Variants in KIAA0825 observed in about 807,000 individuals in gnomAD.
KIAA0825 encodes KIAA0825, also known as uncharacterized protein KIAA0825.
In KIAA0825, 119 loss-of-function variants were observed where a neutral mutation model predicts 147.6. That is an observed-to-expected ratio of 0.81 (90% confidence interval 0.69 to 0.94). KIAA0825 has a LOEUF of 0.94. Ranked by LOEUF, KIAA0825 falls within the 40% of genes least tolerant of loss-of-function variation. KIAA0825 has a pLI of 0.00. For synonymous variants in KIAA0825, 470 were observed against 518.1 expected (o/e 0.91, Z 1.26); for missense variants, 1,381 against 1,472.7 (o/e 0.94, Z 1.02).
At chr5:94,505,470 T>A (rs1765638066) in intron 5 of KIAA0825, among the ~76,000 whole-genome samples, 2 of 152,090 alleles carry the variant, frequency 1.3e-5, no homozygotes, top group Non-Finnish European at 2.9e-5. Flanking sequence ...ATCAAAGTTA[T>A]GGCATAACTA....
At chr5:94,242,854 C>T (rs1775421206) in intron 20 of KIAA0825, among the ~76,000 whole-genome samples, 1 of 152,132 alleles carries the variant, frequency 6.6e-6, no homozygotes, top group Admixed American at 6.6e-5. Context: ...CTCCTGACCT[C>T]AAGTGATTCA....
intron 13 of KIAA0825, among the ~76,000 whole-genome samples, chr5:94,440,409 G>A (rs770384616): frequency 6.6e-6 from 1 of 152,120 alleles, no homozygotes; most frequent in Non-Finnish European, 1.5e-5. Context: ...TTCACGGAGA[G>A]AAGAAAAATT....
intron 5 of KIAA0825, among the ~76,000 whole-genome samples, chr5:94,501,898 T>G (rs187642748): frequency 2.6e-5 from 4 of 152,280 alleles, no homozygotes; most frequent in Admixed American, 2.6e-4. Flanking sequence ...TGTGAGATGG[T>G]TAATTAAATG....
intron 17 of KIAA0825, among the ~76,000 whole-genome samples, chr5:94,392,492 C>T (rs17083630): frequency 0.038 from 5,743 of 152,196 alleles, 339 homozygotes; most frequent in African/African-American, 0.13. Context: ...TCAAACTATA[C>T]CAGTGCAAAA....
intron 9 of KIAA0825, 29 bp downstream of exon 9, chr5:94,471,437 G>A: frequency 6.5e-7 from 1 of 1,544,122 alleles, no homozygotes; most frequent in Non-Finnish European, 8.8e-7. Flanking sequence ...TTTAAGCGTG[G>A]CCATCATCTT....
intron 20 of KIAA0825, among the ~76,000 whole-genome samples, chr5:94,375,066 C>G (rs1747345794): frequency 7.4e-6 from 1 of 135,292 alleles, no homozygotes; most frequent in African/African-American, 2.7e-5. Flanking sequence ...AAGTCTCGCT[C>G]TGTCGCCTGG....
chr5:94,447,354 G>A (rs759091361), intron 13 of KIAA0825, among the ~76,000 whole-genome samples: 1 of 152,030 alleles, frequency 6.6e-6, no homozygotes, highest in Non-Finnish European at 1.5e-5. Context: ...TAATTGCCAG[G>A]TTAAAGTATA....
chr5:94,482,127 A>G (rs1762561144), intron 6 of KIAA0825, among the ~76,000 whole-genome samples: 1 of 152,094 alleles, frequency 6.6e-6, no homozygotes, highest in South Asian at 2.1e-4. Context: ...AAAGCAAATA[A>G]TGACAAAATA....
chr5:94,371,961 C>T (rs1016066592), intron 20 of KIAA0825, among the ~76,000 whole-genome samples: 1 of 152,172 alleles, frequency 6.6e-6, no homozygotes, highest in Non-Finnish European at 1.5e-5. Context: ...TGGGTAAATA[C>T]ACCTGTTCCA....
intron 20 of KIAA0825, among the ~76,000 whole-genome samples, chr5:94,272,599 A>AAAATG (rs1271169324): frequency 6.6e-6 from 1 of 152,218 alleles, no homozygotes; most frequent in Non-Finnish European, 1.5e-5. Flanking sequence ...CAACACATAG[A>AAAATG]AAATGTGTGA....
chr5:94,159,315 C>T (rs1022104812), intron 20 of KIAA0825, among the ~76,000 whole-genome samples: 3 of 152,174 alleles, frequency 2.0e-5, no homozygotes, highest in Non-Finnish European at 4.4e-5. Context: ...CTTAATCTCT[C>T]TGTGCATCAG....
At chr5:94,275,704 A>T (rs1354207165) in intron 20 of KIAA0825, among the ~76,000 whole-genome samples, 2 of 152,166 alleles carry the variant, frequency 1.3e-5, no homozygotes, top group Admixed American at 6.6e-5. Flanking sequence ...GTTGTCTATG[A>T]CATGTTGTCT....
intron 9 of KIAA0825, among the ~76,000 whole-genome samples, chr5:94,470,497 A>G (rs947700238): frequency 1.7e-4 from 26 of 152,340 alleles, no homozygotes; most frequent in African/African-American, 5.8e-4. Context: ...ACTTTTATAA[A>G]GCTATCAAAT....
At chr5:94,458,248 A>G (rs1238744346) in intron 12 of KIAA0825, among the ~76,000 whole-genome samples, 1 of 152,208 alleles carries the variant, frequency 6.6e-6, no homozygotes, top group Non-Finnish European at 1.5e-5. Flanking sequence ...CATGATGAAA[A>G]TAACTCTTTG....
chr5:94,284,976 A>G (rs533444234), intron 20 of KIAA0825, among the ~76,000 whole-genome samples: 81 of 152,176 alleles, frequency 5.3e-4, no homozygotes, highest in Admixed American at 1.2e-3. Flanking sequence ...GGCAGTCTCT[A>G]TTTTGTACAT....
At chr5:94,378,352 A>G (rs1398801009) in intron 20 of KIAA0825, among the ~76,000 whole-genome samples, 8 of 152,172 alleles carry the variant, frequency 5.3e-5, no homozygotes, top group Non-Finnish European at 1.2e-4. Flanking sequence ...GAGAACAAGC[A>G]GTATTTGGTT....
intron 10 of KIAA0825, among the ~76,000 whole-genome samples, chr5:94,467,599 C>T (rs958888995): frequency 6.6e-6 from 1 of 152,206 alleles, no homozygotes; most frequent in African/African-American, 2.4e-5. Flanking sequence ...AGAACTCTGA[C>T]TCTCTCAAGC....
At chr5:94,405,880 C>T (rs1270448964) in intron 15 of KIAA0825, among the ~76,000 whole-genome samples, 7 of 152,086 alleles carry the variant, frequency 4.6e-5, no homozygotes, top group Non-Finnish European at 7.4e-5. Context: ...ACCCAAGCTT[C>T]TGACTCTCCC....
intron 2 of KIAA0825, among the ~76,000 whole-genome samples, chr5:94,543,432 G>A (rs1773724505): frequency 6.6e-6 from 1 of 152,136 alleles, no homozygotes; most frequent in African/African-American, 2.4e-5. Flanking sequence ...GACAGAGTGA[G>A]ACTCTGTCTC....
Sources: gnomAD v4.1 joint callset for allele counts (sites outside exome capture counted in the v4.1 genomes callset) on GRCh38, gnomAD v4.1.1 for gene constraint, MANE v1.5 for transcripts, NCBI Gene and HGNC (gene_info 2026-07-23, HGNC 2026-07-21) for gene names.